The following BMP2K variants were observed in gnomAD, a reference collection of about 807,000 sequenced individuals.
BMP2K encodes BMP-2-inducible protein kinase.
Under a neutral mutation model 116.0 loss-of-function variants are expected in BMP2K, and 74 were observed. The ratio of observed to expected loss-of-function variants is 0.64; its 90% CI spans 0.53 to 0.77. BMP2K has a LOEUF of 0.77. Among genes scored for constraint, BMP2K ranks in the 30% least tolerant of loss-of-function variants. BMP2K has a pLI of 0.00. For synonymous variants in BMP2K, 486 were observed against 502.5 expected (o/e 0.97, Z 0.44); for missense variants, 1,365 against 1,403.6 (o/e 0.97, Z 0.44).
rs1734759913 is a variant in BMP2K at position 78,913,212 on chromosome 4, G to T, written c.*1179G>T. On this transcript the variant is annotated 3_prime_UTR_variant, in exon 16 of 16. Transcript: ENST00000502613. Reference sequence around the variant, plus strand: ...AGCCTTATATAAAGGCAGGATTCATGCATCCTGCTGCAAGTACCTCTGCAC... The same window carrying T: ...AGCCTTATATAAAGGCAGGATTCATTCATCCTGCTGCAAGTACCTCTGCAC... The T allele has an allele frequency of 6.6e-6, 1 of 152,074 alleles. No homozygotes were observed. Among genetic ancestry groups the T allele is most frequent in the Non-Finnish European group, 1.5e-5 (1 of 67,980 alleles). 9.4% of individuals were successfully genotyped at this position (152,074 alleles called of 1,614,324 possible). A position where few individuals can be genotyped will look rare whatever the true frequency, so the allele number is the denominator to read the frequency against.
chr4:78,858,307 G>T (rs933900790), intron 7 of BMP2K, among the ~76,000 whole-genome samples: 2 of 151,824 alleles, frequency 1.3e-5, no homozygotes, highest in Non-Finnish European at 1.5e-5. Flanking sequence ...AATAAATTTT[G>T]TAGATTCCTC....
Position 78,870,928 on chromosome 4 carries a change from CCAGCAGCAGCAG to C in BMP2K, c.1392_1403del (p.Gln483_Gln486del), listed in dbSNP as rs3063772. 19 of 1,599,196 alleles carry C rather than the reference CCAGCAGCAGCAG, an allele frequency of 1.2e-5. No individual in the cohort carries two copies. Among genetic ancestry groups the C allele is most frequent in the Non-Finnish European group, 1.4e-5 (16 of 1,171,540 alleles). Reference sequence around the variant, plus strand: ...TCCATTTACAGCATCGTCATCCTCACCAGCAGCAGCAGCAGCAGCAGCAGCAACAGCAACAGC... The same window carrying C: ...TCCATTTACAGCATCGTCATCCTCACCAGCAGCAGCAGCAACAGCAACAGC... On this transcript the variant is annotated inframe_deletion, in exon 11 of 16. Transcript: ENST00000502613.
intron 15 of BMP2K, chr4:78,888,287 CTGGGGA>C (rs1263844914): frequency 1.3e-5 from 2 of 152,182 alleles, no homozygotes. Flanking sequence ...ACATAATTAA[CTGGGGA>C]ACATAGCTTA....
rs1405613509 is a variant in BMP2K, at chr4:78,912,834, T to C, written c.*801T>C. The stretch of plus-strand genomic sequence containing the variant: ...AATATGAAGAGAAATATCTGACATT[T>C]GTAAAGAAATTATAAGAAGAAAAAA... On this transcript the variant is annotated 3_prime_UTR_variant, in exon 16 of 16. Coordinates refer to ENST00000502613, the MANE Select transcript of BMP2K (RefSeq NM_198892.2). 3.9e-5 allele frequency: 6 copies of C among 152,274 alleles called. No individual in the cohort carries two copies. The South Asian group carries it at 1.2e-3, about 32-fold the overall frequency. 9.4% of individuals were successfully genotyped at this position (152,274 alleles called of 1,614,324 possible).
chr4:78,888,832 G>A (rs1316107085), intron 15 of BMP2K, among the ~76,000 whole-genome samples: 1 of 152,130 alleles, frequency 6.6e-6, no homozygotes, highest in Non-Finnish European at 1.5e-5. Flanking sequence ...CAACCCAGTA[G>A]GTACCTAATA....
intron 1 of BMP2K, among the ~76,000 whole-genome samples, chr4:78,778,041 C>T (rs1052384603): frequency 2.6e-5 from 4 of 152,088 alleles, no homozygotes; most frequent in Non-Finnish European, 2.9e-5. Context: ...CTCTTTATTA[C>T]ACATGAATTT....
intron 2 of BMP2K, among the ~76,000 whole-genome samples, chr4:78,829,391 T>C (rs994258205): frequency 6.8e-6 from 1 of 147,316 alleles, no homozygotes; most frequent in Non-Finnish European, 1.5e-5. Context: ...TCCACTTAAT[T>C]ATAGTTTTTT....
chr4:78,834,246 A>T (rs1374880791), intron 3 of BMP2K, among the ~76,000 whole-genome samples: 2 of 151,694 alleles, frequency 1.3e-5, no homozygotes. Flanking sequence ...CATCATAAAA[A>T]AATTCCTGAC....
At chr4:78,777,346 C>G (rs1727296565) in intron 1 of BMP2K, among the ~76,000 whole-genome samples, 1 of 152,198 alleles carries the variant, frequency 6.6e-6, no homozygotes, top group African/African-American at 2.4e-5. Flanking sequence ...AGGTGCTATT[C>G]ATGCCCTCCC....
At chr4:78,832,549 G>C (rs1730259084) in intron 2 of BMP2K, among the ~76,000 whole-genome samples, 1 of 152,144 alleles carries the variant, frequency 6.6e-6, no homozygotes, top group Non-Finnish European at 1.5e-5. Flanking sequence ...CTGTTAGCTA[G>C]AAGGGTGAAA....
rs1727233240 is a variant in BMP2K at position 78,776,440 on chromosome 4, C to T, written c.-104C>T. 3 of 1,055,948 alleles carry T rather than the reference C, an allele frequency of 2.8e-6. No homozygotes were observed. The highest frequency in any genetic ancestry group is 5.2e-5 in the Admixed American group (1 of 19,188). 65.4% of individuals were successfully genotyped at this position (1,055,948 alleles called of 1,614,324 possible). A position where few individuals can be genotyped will look rare whatever the true frequency, so the allele number is the denominator to read the frequency against. ...GAGGCTTGGCGGGCCGCAGCACGCTCGGACGGGCCAGGGGCGGCGACCCCT... is the reference window on the plus strand; with the variant it reads ...GAGGCTTGGCGGGCCGCAGCACGCTTGGACGGGCCAGGGGCGGCGACCCCT... On this transcript the variant is annotated 5_prime_UTR_variant, in exon 1 of 16. Transcript: ENST00000502613.
chr4:78,832,969 GTTA>G (rs1207776975), intron 2 of BMP2K, among the ~76,000 whole-genome samples: 1 of 151,802 alleles, frequency 6.6e-6, no homozygotes, highest in Non-Finnish European at 1.5e-5. Flanking sequence ...AACAGAGTAG[GTTA>G]TTATTCTTAA....
In BMP2K at chr4:78,776,597, G is replaced by A. The variant is rs1344113496; in HGVS notation, c.54G>A (p.Ala18=). The part of the protein sequence containing the change: ...PKSEGGSGGG[A]AGGGAGGAGA... ...CGGAGGGCGGCAGCGGCGGCGGAGC[G>A]GCGGGTGGCGGGGCTGGCGGGGCCG... Residue 18 remains alanine, a synonymous_variant, in exon 1 of 16, where the codon GCG becomes GCA. Transcript: ENST00000502613. The A allele has an allele frequency of 5.1e-6, 6 of 1,181,224 alleles. No individual in the cohort carries two copies. The highest frequency in any genetic ancestry group is 6.3e-6 in the Non-Finnish European group (6 of 951,864). 73.2% of individuals were successfully genotyped at this position (1,181,224 alleles called of 1,614,324 possible). A position where few individuals can be genotyped will look rare whatever the true frequency, so the allele number is the denominator to read the frequency against.
At chr4:78,832,935 AGTT>A (rs909129438) in intron 2 of BMP2K, among the ~76,000 whole-genome samples, 2 of 152,014 alleles carry the variant, frequency 1.3e-5, no homozygotes, top group African/African-American at 2.4e-5. Flanking sequence ...TATTTTTAAT[AGTT>A]GTTTTTAAAT....
At chr4:78,804,485 A>G (rs971143143) in intron 1 of BMP2K, among the ~76,000 whole-genome samples, 1 of 152,126 alleles carries the variant, frequency 6.6e-6, no homozygotes, top group African/African-American at 2.4e-5. Context: ...TGGTAGCTTT[A>G]TGTTTAACTT....
At chr4:78,810,830 G>A (rs1729055892) in intron 1 of BMP2K, among the ~76,000 whole-genome samples, 1 of 149,368 alleles carries the variant, frequency 6.7e-6, no homozygotes, top group South Asian at 2.1e-4. Context: ...TAAAAACATT[G>A]TTACAAGGCT....
At chr4:78,847,167 A>G (rs1256656451) in intron 5 of BMP2K, 21 bp from the exon 6 acceptor site, 7 of 1,381,524 alleles carry the variant, frequency 5.1e-6, no homozygotes, top group Non-Finnish European at 6.8e-6. Context: ...TCTCCACTCC[A>G]TTTCACTCAT....
At chr4:78,904,718 G>A (rs187694879) in intron 15 of BMP2K, among the ~76,000 whole-genome samples, 12 of 152,014 alleles carry the variant, frequency 7.9e-5, no homozygotes, top group African/African-American at 2.6e-4. Context: ...TGCATTTGAT[G>A]TTGAGACTTG....
At chr4:78,872,423 A>T in intron 12 of BMP2K, 191 bp from the exon 13 acceptor site, 1 of 477,114 alleles carries the variant, frequency 2.1e-6, no homozygotes, top group Non-Finnish European at 3.6e-6. Context: ...GCCTACCTTT[A>T]CAACTTTTTA....
Sources: gnomAD v4.1 joint callset for allele counts (sites outside exome capture counted in the v4.1 genomes callset) on GRCh38, gnomAD v4.1.1 for gene constraint, MANE v1.5 for transcripts, NCBI Gene and HGNC (gene_info 2026-07-23, HGNC 2026-07-21) for gene names.